Variants in ACACB observed in about 807,000 individuals in gnomAD.
ACACB encodes the protein acetyl-CoA carboxylase 2.
ACACB carries 209 observed loss-of-function variants against 278.8 expected under a neutral mutation model. That is an observed-to-expected ratio of 0.75 (90% CI 0.67 to 0.84). The LOEUF is 0.84. Among genes scored for constraint, ACACB ranks in the 40% least tolerant of loss-of-function variants. The pLI is 0.00. For synonymous variants in ACACB, 1,174 were observed against 1,285.6 expected (o/e 0.91, Z 1.86); for missense variants, 2,850 against 3,269.0 (o/e 0.87, Z 3.13).
At chr12:109,111,431 G>A in the ACACB span, 1 of 152,278 alleles carries the variant, frequency 6.6e-6, no homozygotes, top group Non-Finnish European at 1.5e-5. Flanking sequence ...AGGGCTCCAG[G>A]AAGACTCCCT....
chr12:109,138,905 A>G (rs567555555), intron 1 of ACACB, among the ~76,000 whole-genome samples: 1 of 152,312 alleles, frequency 6.6e-6, no homozygotes, highest in Non-Finnish European at 1.5e-5. Flanking sequence ...TTCACATGGC[A>G]TACAATCCAC....
intron 21 of ACACB, among the ~76,000 whole-genome samples, chr12:109,210,276 C>CACACATATCTGTGTGTATATGTATATAT (rs1565927710): frequency 0.019 from 108 of 5,754 alleles, 19 homozygotes; most frequent in Non-Finnish European, 0.038. Flanking sequence ...TGTACATATA[C>CACACATATCTGTGTGTATATGTATATAT]ACACACATAT....
At chr12:109,208,624 G>C (rs1413290501) in intron 20 of ACACB, among the ~76,000 whole-genome samples, 1 of 152,170 alleles carries the variant, frequency 6.6e-6, no homozygotes, top group Non-Finnish European at 1.5e-5. Flanking sequence ...AAGACCATCA[G>C]CATTGGCTAC....
In ACACB at chr12:109,260,486, A is replaced by G. The variant is rs2047350140; in HGVS notation, c.6503A>G (p.Tyr2168Cys). 1 of 1,614,172 alleles carries G rather than the reference A, an allele frequency of 6.2e-7. No individual in the cohort carries two copies. The highest frequency in any genetic ancestry group is 8.5e-7 in the Non-Finnish European group (1 of 1,180,024). Residue 2168 changes from tyrosine (Y) to cysteine (C), a missense_variant, in exon 48 of 53, where the codon TAT becomes TGT. By Grantham distance (194) the Tyr-to-Cys change is radical. Around this residue, in one of 3 missense-constraint regions of ACACB, gnomAD observed 579 missense variants for 684.6 expected, o/e 0.85. Coordinates refer to ENST00000338432, the MANE Select transcript of ACACB (RefSeq NM_001093.4). ...AGGCTGCTTTGCTTTTCAGACATGT[A>G]TGACCAGGTGCTGAAGTTTGGAGCC... ...RGFSGGMKDM[Y>C]DQVLKFGAYI...
chr12:109,139,959 G>C lies in ACACB; in HGVS notation c.554G>C (p.Arg185Pro). 4 of 1,614,002 alleles carry C rather than the reference G, an allele frequency of 2.5e-6. No individual in the cohort carries two copies. The highest frequency in any genetic ancestry group is 2.2e-5 in the East Asian group (1 of 44,866). The change falls in exon 2 of 53, where the codon CGT becomes CCT. Residue 185 changes from arginine (R) to proline (P), a missense_variant. Transcript: ENST00000338432. The part of the protein sequence containing the change: ...SDEDSVAGSS[R>P]ESTRKGSRAS... ...GAGGACTCTGTTGCTGGCTCATCTC[G>C]TGAGTCTACCCGGAAGGGCAGCCGG...
At chr12:109,211,401 C>A (rs1472291317) in intron 21 of ACACB, among the ~76,000 whole-genome samples, 1 of 148,224 alleles carries the variant, frequency 6.7e-6, no homozygotes, top group Non-Finnish European at 1.5e-5. Flanking sequence ...AGGTGTACAC[C>A]ACCATTCCCA....
At chr12:109,215,985 G>T (rs1415245093) in intron 22 of ACACB, among the ~76,000 whole-genome samples, 3 of 151,836 alleles carry the variant, frequency 2.0e-5, no homozygotes, top group African/African-American at 7.3e-5. Flanking sequence ...TTTTTGTAAA[G>T]ACAAGGTCTC....
intron 41 of ACACB, 144 bp downstream of exon 41, chr12:109,250,248 T>C (rs1267001809): frequency 6.7e-6 from 6 of 893,408 alleles, no homozygotes; most frequent in Non-Finnish European, 9.6e-6. Context: ...CCCACTGATA[T>C]TTCCTCAATC....
intron 24 of ACACB, among the ~76,000 whole-genome samples, chr12:109,221,540 C>G (rs1472033711): frequency 2.0e-5 from 3 of 152,184 alleles, no homozygotes; most frequent in Admixed American, 1.3e-4. Context: ...AGGGATGCAA[C>G]ACAGACACAT....
chr12:109,188,083 A>C lies in ACACB; in HGVS notation c.2065A>C (p.Thr689Pro). ...GTGGGGTTACTTCAGCGTGGCCGCTACTGGAGGCCTGCACGAGTTTGCGGA... is the reference window on the plus strand; with the variant it reads ...GTGGGGTTACTTCAGCGTGGCCGCTCCTGGAGGCCTGCACGAGTTTGCGGA... ...NVWGYFSVAA[T>P]GGLHEFADSQ... Residue 689 changes from threonine to proline, a missense_variant, in exon 13 of 53, where the codon ACT (threonine) becomes CCT (proline). Around this residue, in one of 3 missense-constraint regions of ACACB, gnomAD observed 2,265 missense variants for 2,561.3 expected, o/e 0.88. Transcript: ENST00000338432. The C allele has an allele frequency of 1.9e-6, 3 of 1,613,810 alleles. No individual in the cohort carries two copies. In the South Asian group the frequency reaches 3.3e-5, roughly 18 times the overall value.
At chr12:109,203,458 G>A (rs7959681) in intron 19 of ACACB, among the ~76,000 whole-genome samples, 84,345 of 152,102 alleles carry the variant, frequency 0.55, 23,589 homozygotes, top group Middle Eastern at 0.7. Context: ...AACACACACC[G>A]TACCTCACAA....
intron 7 of ACACB, among the ~76,000 whole-genome samples, chr12:109,174,700 A>G (rs1340957318): frequency 1.7e-5 from 2 of 115,752 alleles, no homozygotes; most frequent in African/African-American, 5.3e-5. Context: ...CCATCTCCAG[A>G]AAAAGTAAAA....
intron 21 of ACACB, among the ~76,000 whole-genome samples, chr12:109,209,878 C>T (rs1334341972): frequency 5.9e-5 from 7 of 118,268 alleles, no homozygotes; most frequent in East Asian, 2.7e-4. Flanking sequence ...CATACACACA[C>T]GTGTGTATAT....
At chr12:109,127,142 A>G (rs1270897884) in intron 1 of ACACB, among the ~76,000 whole-genome samples, 3 of 152,140 alleles carry the variant, frequency 2.0e-5, no homozygotes, top group Non-Finnish European at 4.4e-5. Context: ...GTAGCCCATT[A>G]AACAATTGAA....
chr12:109,265,315 AG>A, intron 51 of ACACB, 35 bp downstream of exon 51: 3 of 1,611,424 alleles, frequency 1.9e-6, no homozygotes, highest in Admixed American at 1.7e-5. Flanking sequence ...CGGTGAGCAC[AG>A]GGGGTGCTGG....
chr12:109,246,226 G>A lies in ACACB; in HGVS notation c.5349G>A (p.Pro1783=), dbSNP rs1169828551. The stretch of plus-strand genomic sequence containing the variant: ...TGAGGTTTAAGACCCAGGAGTACCC[G>A]GAAGGACGGGATGTGATCGTCATCG... ...FKMRFKTQEY[P]EGRDVIVIGN... The change falls in exon 39 of 53, where the codon CCG becomes CCA. Residue 1783 remains proline (P), a synonymous_variant. Transcript: ENST00000338432. 1.1e-5 allele frequency: 17 copies of A among 1,613,662 alleles called. No homozygotes were observed. Among genetic ancestry groups the A allele is most frequent in the East Asian group, 2.2e-5 (1 of 44,888 alleles).
intron 12 of ACACB, among the ~76,000 whole-genome samples, chr12:109,186,918 C>A (rs185701123): frequency 4.8e-4 from 73 of 152,244 alleles, no homozygotes; most frequent in African/African-American, 1.3e-3. Context: ...ATCCTTCATC[C>A]CTTAGTTCAG....
At position 109,247,673 on chromosome 12, in the gene ACACB, G is replaced by A. The variant is rs1263755103; in HGVS notation, c.5639G>A (p.Cys1880Tyr). ...TRISSLNSVH[C>Y]KHIEEGGESR... ...ATCAGCTCCCTGAACTCCGTCCACT[G>A]TAAACACATCGAGGAAGGAGGAGAG... The change falls in exon 40 of 53, where the codon TGT (cysteine) becomes TAT (tyrosine). Residue 1880 changes from cysteine (C) to tyrosine (Y), a missense_variant. Cys to Tyr is a radical substitution (Grantham distance 194). Transcript: ENST00000338432. 1 of 1,613,868 alleles carries A rather than the reference G, an allele frequency of 6.2e-7. No individual in the cohort carries two copies. Among genetic ancestry groups the A allele is most frequent in the Admixed American group, 1.7e-5 (1 of 60,014 alleles).
rs7970183 is a variant in ACACB, at chr12:109,185,629, T to C, written c.1869T>C (p.Tyr623=). 1 of 1,614,060 alleles carries C rather than the reference T, an allele frequency of 6.2e-7. No homozygotes were observed. Among genetic ancestry groups the C allele is most frequent in the Non-Finnish European group, 8.5e-7 (1 of 1,179,990 alleles). The change falls in exon 12 of 53, where the codon TAT becomes TAC. Residue 623 remains tyrosine, a synonymous_variant. Transcript: ENST00000338432. ...LHRLKDIRLL[Y]GESPWGVTPI... ...GGCTGAAGGATATCCGGCTTCTGTA[T>C]GGAGAGTCACCATGGGGAGTGACTC...
Sources: allele counts gnomAD v4.1 joint callset (sites outside exome capture counted in the v4.1 genomes callset), GRCh38; gene constraint gnomAD v4.1.1; regional missense constraint gnomAD v4.1.1; transcripts MANE v1.5; gene names NCBI Gene and HGNC (gene_info 2026-07-23, HGNC 2026-07-21).